CCDC33: variants seen among roughly 807,000 people sequenced by gnomAD.
CCDC33 encodes the protein coiled-coil domain-containing protein 33.
A neutral mutation model predicts 91.9 loss-of-function variants in CCDC33; 94 were observed. That is an observed-to-expected ratio of 1.02 (90% CI 0.87 to 1.21). The LOEUF (loss-of-function observed/expected upper bound fraction) is 1.21. Among genes scored for constraint, CCDC33 ranks in the 50% most tolerant of loss-of-function variants. CCDC33 has a pLI of 0.00. For synonymous variants in CCDC33, 396 were observed against 374.5 expected, an observed-to-expected ratio of 1.06 and a Z score of -0.66; for missense variants, 940 against 935.5, an observed-to-expected ratio of 1.00 and a Z score of -0.06.
chr15:74,254,744 CTT>C (rs756927130), intron 2 of CCDC33, among the ~76,000 whole-genome samples: 7 of 126,404 alleles, frequency 5.5e-5, no homozygotes, highest in Admixed American at 8.5e-5. Context: ...TACCCTCCTT[CTT>C]TTTTTTTTTT....
At chr15:74,258,853 G>C (rs2075948451) in intron 2 of CCDC33, among the ~76,000 whole-genome samples, 1 of 152,154 alleles carries the variant, frequency 6.6e-6, no homozygotes, top group African/African-American at 2.4e-5. Flanking sequence ...GGAAAGCAAA[G>C]TCCTTGTTCC....
In CCDC33 at chr15:74,229,487, G is replaced by A. The variant is rs112696116; in HGVS notation, c.675+10626G>A. On this transcript the variant is annotated intron_variant, in intron 2 of 2. Coordinates refer to the CCDC33 transcript ENST00000635913. Reference sequence around the variant, plus strand: ...CAGCCTGGGTGACAATTGAGACACCGTCTCAAAAAAATAGAAATAAAAATA... The same window carrying A: ...CAGCCTGGGTGACAATTGAGACACCATCTCAAAAAAATAGAAATAAAAATA... 3.6e-3 allele frequency among the ~76,000 whole-genome samples: 546 copies of A among 152,170 alleles called. 2 individuals are homozygous for A. Among genetic ancestry groups the A allele is most frequent in the Non-Finnish European group, 6.5e-3 (440 of 68,000 alleles).
At chr15:74,300,594 A>G (rs1448190640) in intron 11 of CCDC33, 1 of 152,266 alleles carries the variant, frequency 6.6e-6, no homozygotes, top group Non-Finnish European at 1.5e-5. Context: ...GTGTTTGTCT[A>G]TATCCAGTCT....
chr15:74,325,203 C>G (rs1019777549), intron 11 of CCDC33, among the ~76,000 whole-genome samples: 1 of 152,066 alleles, frequency 6.6e-6, no homozygotes, highest in Non-Finnish European at 1.5e-5. Context: ...AAACCCCCTC[C>G]AGCTTAGGCC....
chr15:74,238,356 C>T (rs576386408), intron 1 of CCDC33, among the ~76,000 whole-genome samples: 4 of 149,130 alleles, frequency 2.7e-5, no homozygotes, highest in East Asian at 2.0e-4. Flanking sequence ...TGCAGTGAGC[C>T]GAGATAGCAC....
chr15:74,280,575 C>G, intron 8 of CCDC33, 93 bp from the exon 9 acceptor site: 1 of 1,369,898 alleles, frequency 7.3e-7, no homozygotes. Context: ...GGAAAGCAGG[C>G]AGCGGGAGAC....
chr15:74,252,135 C>G (rs2075729269), intron 2 of CCDC33, among the ~76,000 whole-genome samples: 1 of 152,192 alleles, frequency 6.6e-6, no homozygotes. Context: ...CCACCTCATT[C>G]TTTGCCTTGA....
intron 2 of CCDC33, among the ~76,000 whole-genome samples, chr15:74,251,556 G>A (rs2075709914): frequency 6.6e-6 from 1 of 152,242 alleles, no homozygotes; most frequent in African/African-American, 2.4e-5. Flanking sequence ...GCTAATGAGT[G>A]GGGACAGAGC....
Position 74,244,130 on chromosome 15 carries a change from C to A in CCDC33, c.167C>A (p.Pro56Gln), listed in dbSNP as rs375633934. Residue 56 changes from proline to glutamine, a missense_variant, in exon 2 of 19, where the codon CCG becomes CAG. Transcript: ENST00000398814. This position sits in a 1 kb window ranked among gnomAD's most constrained non-coding sequence, Gnocchi z 4.2. ...CCTGCCTGCAAGGATGGCTCCGAGCCGTGGCCCTATGTGGTGGTGTAAGTA... is the reference window on the plus strand; with the variant it reads ...CCTGCCTGCAAGGATGGCTCCGAGCAGTGGCCCTATGTGGTGGTGTAAGTA... ...NLPACKDGSE[P>Q]WPYVVVKSTS... 4 of 1,612,874 alleles carry A rather than the reference C, an allele frequency of 2.5e-6. No homozygotes were observed. In the South Asian group the frequency reaches 4.4e-5, roughly 18 times the overall value.
chr15:74,245,949 C>T (rs1024360709), intron 2 of CCDC33, among the ~76,000 whole-genome samples: 2 of 152,094 alleles, frequency 1.3e-5, no homozygotes, highest in African/African-American at 4.8e-5. Flanking sequence ...ATGTGAAGGC[C>T]GAGCTGTCAG....
Position 74,236,391 on chromosome 15 carries a change from C to T in CCDC33, c.-329C>T. 1 of 345,372 alleles carries T rather than the reference C, an allele frequency of 2.9e-6. No homozygotes were observed. The highest frequency in any genetic ancestry group is 4.7e-5 in the East Asian group (1 of 21,254). 21.4% of individuals were successfully genotyped at this position (345,372 alleles called of 1,614,324 possible). A position where few individuals can be genotyped will look rare whatever the true frequency, so the allele number is the denominator to read the frequency against. ...CCATCTCTCCACCGTCCTAGGTGTG[C>T]CAAGAGTCAATTGCCTCATTGCTGA... On this transcript the variant is annotated 5_prime_UTR_variant, in exon 1 of 19. Coordinates refer to ENST00000398814, the MANE Select transcript of CCDC33 (RefSeq NM_025055.5).
chr15:74,287,639 T>C (rs981970952), intron 10 of CCDC33, among the ~76,000 whole-genome samples: 1 of 152,096 alleles, frequency 6.6e-6, no homozygotes, highest in South Asian at 2.1e-4. Context: ...CTGGCCAACA[T>C]GGAGAAACCC....
At chr15:74,334,102 T>C in intron 17 of CCDC33, 135 bp downstream of exon 17, 2 of 724,726 alleles carry the variant, frequency 2.8e-6, no homozygotes, top group Non-Finnish European at 4.4e-6. Context: ...AGGGTCGGGG[T>C]TCAGTGTGCA....
intron 2 of CCDC33, among the ~76,000 whole-genome samples, chr15:74,228,594 GC>G (rs1355056430): frequency 6.6e-6 from 1 of 152,200 alleles, no homozygotes; most frequent in Non-Finnish European, 1.5e-5. Flanking sequence ...GGGCCATGGG[GC>G]CCCCACTCCT....
intron 16 of CCDC33, chr15:74,333,226 C>T (rs1261221125): frequency 5.0e-6 from 8 of 1,590,614 alleles, no homozygotes; most frequent in African/African-American, 2.7e-5. Context: ...CCCAGGTGGA[C>T]CCCGGGGAGT....
At chr15:74,204,936 A>AG (rs1465906885) in intron 1 of CCDC33, among the ~76,000 whole-genome samples, 6 of 123,092 alleles carry the variant, frequency 4.9e-5, no homozygotes, top group African/African-American at 1.4e-4. Context: ...CTCCATCTCA[A>AG]AAAAAAAGAA....
chr15:74,214,659 C>T (rs1055916440), upstream of CCDC33, among the ~76,000 whole-genome samples: 3 of 152,152 alleles, frequency 2.0e-5, no homozygotes, highest in African/African-American at 7.2e-5. Context: ...TCAGAGATGC[C>T]TGAGCATCAG....
At chr15:74,328,857 CG>C (rs1282122052) in intron 11 of CCDC33, among the ~76,000 whole-genome samples, 1 of 152,176 alleles carries the variant, frequency 6.6e-6, no homozygotes, top group Non-Finnish European at 1.5e-5. Context: ...AGTCCCCACC[CG>C]TATGTACACA....
intron 2 of CCDC33, among the ~76,000 whole-genome samples, chr15:74,254,819 C>T (rs1356274324): frequency 6.7e-6 from 1 of 148,536 alleles, no homozygotes; most frequent in Non-Finnish European, 1.5e-5. Flanking sequence ...GTGATCTCGG[C>T]TCACTGCAAC....
Sources: allele counts gnomAD v4.1 joint callset (sites outside exome capture counted in the v4.1 genomes callset), GRCh38; gene constraint gnomAD v4.1.1; non-coding constraint Gnocchi (gnomAD v3.1); transcripts MANE v1.5; gene names NCBI Gene and HGNC (gene_info 2026-07-23, HGNC 2026-07-21).